GUCY1B1: variants seen among roughly 807,000 people sequenced by gnomAD.
GUCY1B1 encodes guanylate cyclase soluble subunit beta-1.
In GUCY1B1, 43 loss-of-function variants were observed where a neutral mutation model predicts 71.0. The ratio of observed to expected loss-of-function variants is 0.61; its 90% CI spans 0.47 to 0.78. The LOEUF (loss-of-function observed/expected upper bound fraction) is 0.78. Ranked by LOEUF, GUCY1B1 falls within the 30% of genes least tolerant of loss-of-function variation. The pLI, the probability that GUCY1B1 is intolerant of heterozygous loss-of-function variation, is 0.00. For missense variants in GUCY1B1, 535 were observed against 754.1 expected, an observed-to-expected ratio of 0.71 and a Z score of 3.40; for synonymous variants, 266 against 259.7, an observed-to-expected ratio of 1.02 and a Z score of -0.23.
chr4:155,793,733 T>C, intron 5 of GUCY1B1, 123 bp from the exon 6 acceptor site: 1 of 599,784 alleles, frequency 1.7e-6, no homozygotes, highest in South Asian at 2.1e-5. Flanking sequence ...TATTTGCATA[T>C]ATGTTTTGAA....
chr4:155,796,812 A>G (rs540521250), intron 8 of GUCY1B1, among the ~76,000 whole-genome samples: 1 of 152,326 alleles, frequency 6.6e-6, no homozygotes, highest in African/African-American at 2.4e-5. Flanking sequence ...TGGACCTTCA[A>G]AATAGGCATT....
chr4:155,781,384 T>G (rs1428794883), intron 4 of GUCY1B1, among the ~76,000 whole-genome samples: 1 of 152,168 alleles, frequency 6.6e-6, no homozygotes, highest in African/African-American at 2.4e-5. Flanking sequence ...ACAGTTGACT[T>G]AACGAATACT....
intron 7 of GUCY1B1, 130 bp from the exon 8 acceptor site, chr4:155,796,247 C>T (rs891876761): frequency 6.2e-6 from 5 of 802,766 alleles, no homozygotes; most frequent in African/African-American, 3.4e-5. Context: ...ACAGAAGGCC[C>T]TCTCCTGTTC....
At chr4:155,764,815 T>C (rs749684905) in intron 2 of GUCY1B1, among the ~76,000 whole-genome samples, 9 of 152,218 alleles carry the variant, frequency 5.9e-5, no homozygotes, top group Non-Finnish European at 1.3e-4. Flanking sequence ...ATACCTGCTA[T>C]TGAGCTCTTT....
At chr4:155,779,621 G>T (rs1738282968) in intron 4 of GUCY1B1, among the ~76,000 whole-genome samples, 1 of 151,854 alleles carries the variant, frequency 6.6e-6, no homozygotes, top group African/African-American at 2.4e-5. Flanking sequence ...TTTTCTCCTG[G>T]TTTTGAAATT....
At chr4:155,772,559 G>C (rs4525927) in intron 2 of GUCY1B1, 300,871 of 572,686 alleles carry the variant, frequency 0.53, 81,508 homozygotes, top group Middle Eastern at 0.73. Flanking sequence ...TGGGACTACA[G>C]ACTTGCGCCA....
chr4:155,762,113 A>C (rs1295973886), intron 2 of GUCY1B1, among the ~76,000 whole-genome samples: 1 of 152,118 alleles, frequency 6.6e-6, no homozygotes, highest in Non-Finnish European at 1.5e-5. Flanking sequence ...GTAATTACTA[A>C]ATGCTCCCTG....
In GUCY1B1 at chr4:155,797,728, T is replaced by G. The variant is rs190784902; in HGVS notation, c.977+1218T>G. ...ACTCCTGGGCAACAGAGCAAGACAC[T>G]GTCTCAAAATAATAATAATAATAAT... On this transcript the variant is annotated intron_variant, in intron 8 of 13. Coordinates refer to ENST00000264424, the MANE Select transcript of GUCY1B1 (RefSeq NM_000857.5). 9.6e-3 allele frequency among the ~76,000 whole-genome samples: 744 copies of G among 77,456 alleles called. 5 individuals carry two copies. The highest frequency in any genetic ancestry group is 0.01 in the Non-Finnish European group (370 of 35,706). The allele number at this position is 77,456 out of a possible 152,430, so 50.8% of individuals were successfully genotyped here.
chr4:155,801,472 C>T (rs1305939006), intron 9 of GUCY1B1, among the ~76,000 whole-genome samples: 1 of 152,126 alleles, frequency 6.6e-6, no homozygotes, highest in Non-Finnish European at 1.5e-5. Flanking sequence ...TTTCATAAAA[C>T]ATTCAATGTT....
chr4:155,794,357 G>A (rs144532905), intron 6 of GUCY1B1, among the ~76,000 whole-genome samples: 42 of 152,016 alleles, frequency 2.8e-4, no homozygotes, highest in African/African-American at 9.9e-4. Flanking sequence ...AAAAAAAATG[G>A]GTAACTTTTT....
chr4:155,778,170 C>G (rs1296656906), intron 4 of GUCY1B1, among the ~76,000 whole-genome samples: 2 of 152,130 alleles, frequency 1.3e-5, no homozygotes, highest in Non-Finnish European at 2.9e-5. Context: ...ATTAATTAAT[C>G]TACTGTACGA....
chr4:155,789,163 ATTGT>A (rs1385294351), intron 4 of GUCY1B1, among the ~76,000 whole-genome samples: 3 of 152,242 alleles, frequency 2.0e-5, no homozygotes, highest in Admixed American at 6.5e-5. Context: ...AAGAAATTAC[ATTGT>A]TTTAGTTTCT....
intron 2 of GUCY1B1, among the ~76,000 whole-genome samples, chr4:155,765,333 G>A (rs898335924): frequency 1.2e-4 from 18 of 152,164 alleles, no homozygotes; most frequent in African/African-American, 4.1e-4. Context: ...GGAAATGAAT[G>A]CTATAAAGAA....
chr4:155,797,911 C>G (rs1000992205), intron 8 of GUCY1B1, among the ~76,000 whole-genome samples: 4 of 151,640 alleles, frequency 2.6e-5, no homozygotes, highest in African/African-American at 9.7e-5. Context: ...AACTAAGAAA[C>G]ATAAACGCTT....
chr4:155,768,560 G>A (rs936798870), intron 2 of GUCY1B1, among the ~76,000 whole-genome samples: 1 of 147,698 alleles, frequency 6.8e-6, no homozygotes, highest in African/African-American at 2.5e-5. Flanking sequence ...TTAAGCACAT[G>A]TGCACCTTTA....
At chr4:155,789,660 C>A in intron 4 of GUCY1B1, 54 bp from the exon 5 acceptor site, 1 of 1,023,950 alleles carries the variant, frequency 9.8e-7, no homozygotes, top group Non-Finnish European at 1.5e-6. Context: ...TTCCCAGAGT[C>A]TGCTGTCATT....
intron 4 of GUCY1B1, among the ~76,000 whole-genome samples, chr4:155,779,615 C>T (rs1200686656): frequency 6.6e-6 from 1 of 151,954 alleles, no homozygotes; most frequent in African/African-American, 2.4e-5. Flanking sequence ...CTTTTATTTT[C>T]TCCTGGTTTT....
At position 155,799,836 on chromosome 4, in the gene GUCY1B1, A is replaced by G. The variant is rs180843245; in HGVS notation, c.978-41A>G. On this transcript the variant is annotated intron_variant, in intron 8 of 13. Coordinates refer to ENST00000264424, the MANE Select transcript of GUCY1B1 (RefSeq NM_000857.5). Reference sequence around the variant, plus strand: ...AAATCGGGATTGCATTGTCATGTATATAAGTTGAGACTGATCTTGCCTCAT... The same window carrying G: ...AAATCGGGATTGCATTGTCATGTATGTAAGTTGAGACTGATCTTGCCTCAT... 403 of 1,205,418 alleles carry G rather than the reference A, an allele frequency of 3.3e-4. 4 individuals are homozygous for G. The highest frequency in any genetic ancestry group is 2.6e-3 in the South Asian group (189 of 73,804). The allele number at this position is 1,205,418 out of a possible 1,614,324, so 74.7% of individuals were successfully genotyped here.
chr4:155,780,427 C>T (rs192273687), intron 4 of GUCY1B1, among the ~76,000 whole-genome samples: 6 of 152,232 alleles, frequency 3.9e-5, no homozygotes, highest in African/African-American at 1.4e-4. Flanking sequence ...ATCCTAGTCA[C>T]GGTAACTAAC....
Sources: gnomAD v4.1 joint callset for allele counts (sites outside exome capture counted in the v4.1 genomes callset) on GRCh38, gnomAD v4.1.1 for gene constraint, MANE v1.5 for transcripts, NCBI Gene and HGNC (gene_info 2026-07-23, HGNC 2026-07-21) for gene names.